MMP26: variants seen among roughly 807,000 people sequenced by gnomAD.
MMP26 encodes the protein matrix metallopeptidase 26.
MMP26 carries 33 observed loss-of-function variants against 31.0 expected under a neutral mutation model. The observed-to-expected ratio is 1.06, with a 90% CI of 0.81 to 1.42. The LOEUF is 1.42. Among genes scored for constraint, MMP26 ranks in the 40% most tolerant of loss-of-function variants. The pLI, the probability that MMP26 is intolerant of heterozygous loss-of-function variation, is 0.00. For synonymous variants in MMP26, 122 were observed against 114.9 expected (o/e 1.06, Z -0.40); for missense variants, 347 against 316.1 (o/e 1.10, Z -0.74).
intron 2 of MMP26, chr11:4,803,285 T>A: frequency 1.8e-6 from 1 of 552,754 alleles, no homozygotes; most frequent in Non-Finnish European, 3.1e-6. Context: ...CTGAAAATTG[T>A]TTCTCTTGCC....
chr11:4,768,611 T>C (rs1848661997), intron 2 of MMP26, among the ~76,000 whole-genome samples: 1 of 152,200 alleles, frequency 6.6e-6, no homozygotes, highest in African/African-American at 2.4e-5. Context: ...TATAAATCTG[T>C]TCCATCATCT....
chr11:4,769,392 G>A lies in MMP26; in HGVS notation c.-145+2051G>A, dbSNP rs778463044. On this transcript the variant is annotated intron_variant, in intron 2 of 7. Transcript: ENST00000380390. ...GGATGGTAACAATAGGAGTGAGAAA[G>A]GGCATTCATTCTACAGAAATAGAGA... 12 of 1,614,002 alleles carry A rather than the reference G, an allele frequency of 7.4e-6. No individual in the cohort carries two copies. Among genetic ancestry groups the A allele is most frequent in the South Asian group, 2.2e-5 (2 of 91,082 alleles).
intron 1 of MMP26, among the ~76,000 whole-genome samples, chr11:4,761,969 C>A (rs1238251254): frequency 6.6e-6 from 1 of 151,544 alleles, no homozygotes; most frequent in Non-Finnish European, 1.5e-5. Flanking sequence ...GTTGGGAACT[C>A]AAGTGGAAGC....
chr11:4,945,448 T>G (rs1393492297), intron 2 of MMP26: 2 of 152,762 alleles, frequency 1.3e-5, no homozygotes, highest in East Asian at 3.9e-4. Context: ...AATATGTTCC[T>G]TATTGATTTA....
At chr11:4,961,707 G>C (rs751924047) in intron 2 of MMP26, among the ~76,000 whole-genome samples, 18 of 152,168 alleles carry the variant, frequency 1.2e-4, no homozygotes, top group African/African-American at 4.1e-4. Flanking sequence ...TTCAACACTT[G>C]GGATTTTAAT....
chr11:4,748,116 T>A (rs1848402735), intron 1 of MMP26, among the ~76,000 whole-genome samples: 1 of 151,840 alleles, frequency 6.6e-6, no homozygotes, highest in Non-Finnish European at 1.5e-5. Flanking sequence ...AAAGGAGACA[T>A]TACAATTGAT....
chr11:4,878,762 T>C (rs993399586), intron 2 of MMP26, among the ~76,000 whole-genome samples: 4 of 152,176 alleles, frequency 2.6e-5, no homozygotes, highest in African/African-American at 4.8e-5. Context: ...AAATTTTCAG[T>C]CACTCATCTT....
intron 2 of MMP26, among the ~76,000 whole-genome samples, chr11:4,808,089 T>A (rs547953273): frequency 6.6e-6 from 1 of 152,300 alleles, no homozygotes; most frequent in South Asian, 2.1e-4. Context: ...TAAAGACATA[T>A]GCCACTATGC....
Position 4,741,784 on chromosome 11 carries a change from AAAC to A in MMP26, c.-216-25468_-216-25466del, listed in dbSNP as rs200822796. The stretch of plus-strand genomic sequence containing the variant: ...GGAACTTAAAGTAAAATAGAAATTA[AAAC>A]AACAACAACAACAACAAACCAAAAA... On this transcript the variant is annotated intron_variant, in intron 1 of 7. Transcript: ENST00000380390. Among the ~76,000 whole-genome samples the A allele has an allele frequency of 7.2e-3, 1,102 of 152,190 alleles. 6 individuals carry two copies. Among genetic ancestry groups the A allele is most frequent in the African/African-American group, 9.2e-3 (381 of 41,518 alleles).
chr11:4,827,160 T>C (rs2133477159), intron 2 of MMP26, among the ~76,000 whole-genome samples: 1 of 152,134 alleles, frequency 6.6e-6, no homozygotes, highest in South Asian at 2.1e-4. Flanking sequence ...GATTGGAAAA[T>C]GAGGCTAAAA....
intron 2 of MMP26, among the ~76,000 whole-genome samples, chr11:4,798,339 A>C (rs1020425264): frequency 6.6e-6 from 1 of 152,128 alleles, no homozygotes; most frequent in Non-Finnish European, 1.5e-5. Context: ...TAAACTTCAA[A>C]ATTTTTCATG....
intron 1 of MMP26, among the ~76,000 whole-genome samples, chr11:4,733,042 C>A (rs1848194885): frequency 6.6e-6 from 1 of 152,214 alleles, no homozygotes; most frequent in South Asian, 2.1e-4. Flanking sequence ...TATGTACTGT[C>A]TGGATAACAG....
At chr11:4,878,982 T>A (rs1264494661) in intron 2 of MMP26, among the ~76,000 whole-genome samples, 1 of 152,158 alleles carries the variant, frequency 6.6e-6, no homozygotes, top group African/African-American at 2.4e-5. Flanking sequence ...ACACCTGTAA[T>A]CCCAGCATTT....
At chr11:4,935,296 C>T (rs1851420981) in intron 2 of MMP26, among the ~76,000 whole-genome samples, 1 of 151,336 alleles carries the variant, frequency 6.6e-6, no homozygotes, top group African/African-American at 2.4e-5. Flanking sequence ...CTTCACATCC[C>T]TTGTAAGTTG....
intron 1 of MMP26, among the ~76,000 whole-genome samples, chr11:4,746,255 G>A (rs892843119): frequency 1.2e-4 from 18 of 152,132 alleles, no homozygotes; most frequent in Non-Finnish European, 2.4e-4. Flanking sequence ...TCTATGTCAA[G>A]TAGTTTTTGA....
chr11:4,908,293 T>C, intron 2 of MMP26: 2 of 1,613,888 alleles, frequency 1.2e-6, no homozygotes, highest in Non-Finnish European at 1.7e-6. Context: ...AGTTGCTTAA[T>C]GTATGTGGGA....
At chr11:4,708,388 TTACTGATGTC>T (rs1261842396) in intron 1 of MMP26, among the ~76,000 whole-genome samples, 1 of 152,216 alleles carries the variant, frequency 6.6e-6, no homozygotes, top group Admixed American at 6.5e-5. Context: ...CCAGTTATTC[TTACTGATGTC>T]TAAGCTCCTG....
At chr11:4,938,087 T>C (rs934359373) in intron 2 of MMP26, 3 of 152,056 alleles carry the variant, frequency 2.0e-5, no homozygotes, top group African/African-American at 7.2e-5. Context: ...AGGTCAGAGA[T>C]GGAGAGCATG....
intron 2 of MMP26, among the ~76,000 whole-genome samples, chr11:4,864,058 C>G (rs75258824): frequency 1.3e-5 from 2 of 152,250 alleles, no homozygotes; most frequent in East Asian, 1.9e-4. Context: ...AAGCCAGTCT[C>G]AGTCTCAGTG....
Sources: allele counts gnomAD v4.1 joint callset (sites outside exome capture counted in the v4.1 genomes callset), GRCh38; gene constraint gnomAD v4.1.1; transcripts MANE v1.5; gene names NCBI Gene and HGNC (gene_info 2026-07-23, HGNC 2026-07-21).